The following ERCC6L2 variants were observed in gnomAD, a reference collection of about 807,000 sequenced individuals.
ERCC6L2 encodes ERCC excision repair 6 like 2, also known as DNA excision repair protein ERCC-6-like 2.
A neutral mutation model predicts 132.0 loss-of-function variants in ERCC6L2; 77 were observed. The observed-to-expected ratio is 0.58, with a 90% CI of 0.49 to 0.71. ERCC6L2 has a LOEUF of 0.71. ERCC6L2 is among the 30% of genes least tolerant of loss of function. ERCC6L2 has a pLI of 0.00. For missense variants in ERCC6L2, 1,542 were observed against 1,837.6 expected, an observed-to-expected ratio of 0.84 and a Z score of 2.94; for synonymous variants, 583 against 632.4, an observed-to-expected ratio of 0.92 and a Z score of 1.17.
chr9:95,926,549 T>G (rs550960462), intron 9 of ERCC6L2, among the ~76,000 whole-genome samples: 28 of 152,130 alleles, frequency 1.8e-4, no homozygotes, highest in Non-Finnish European at 3.5e-4. Context: ...TACTGTATAA[T>G]TCCAACTATA....
In ERCC6L2 at chr9:95,966,718, T is replaced by C. The variant is rs369776234; in HGVS notation, c.2100+4T>C. The stretch of plus-strand genomic sequence containing the variant: ...TCTTACGAAGGACATCCTGGAGGTG[T>C]GAACTTCTTCTCTGACCTTTTCAAT... On this transcript the variant is annotated splice_donor_region_variant and intron_variant, in intron 14 of 18. Transcript: ENST00000653738. 3.1e-5 allele frequency: 44 copies of C among 1,436,694 alleles called. No homozygotes were observed. The highest frequency in any genetic ancestry group is 4.0e-5 in the Non-Finnish European group (43 of 1,075,994). The allele number at this position is 1,436,694 out of a possible 1,614,324, so 89.0% of individuals were successfully genotyped here.
In ERCC6L2 at chr9:95,880,775, T is replaced by A. The variant is rs1174101242; in HGVS notation, c.47-94T>A. The A allele has an allele frequency of 7.2e-6, 8 of 1,109,994 alleles. No homozygotes were observed. In the East Asian group the frequency reaches 2.0e-4, roughly 27 times the overall value. The allele number at this position is 1,109,994 out of a possible 1,614,324, so 68.8% of individuals were successfully genotyped here. ...GTTCCAGTTTTTTGGAAAAGGCATT[T>A]ATGTGAGGTATATATTGTTTCTCAC... On this transcript the variant is annotated intron_variant, in intron 1 of 18. Coordinates refer to ENST00000653738, the MANE Select transcript of ERCC6L2 (RefSeq NM_020207.7).
chr9:95,912,397 A>G (rs550883814), intron 4 of ERCC6L2, among the ~76,000 whole-genome samples: 2 of 152,136 alleles, frequency 1.3e-5, no homozygotes, highest in South Asian at 2.1e-4. Context: ...GTGTGTATGT[A>G]TGTATATACA....
rs575846215 is a variant in ERCC6L2 at position 96,036,777 on chromosome 9, T to A, written c.*1504-2099T>A. On this transcript the variant is annotated intron_variant and NMD_transcript_variant, in intron 19 of 20. Coordinates refer to the ERCC6L2 transcript ENST00000670016. Reference sequence around the variant, plus strand: ...TTATTATTATTATTTTTATTTATTTTTTTTTTTGAGACGGAGTCTCACTCT... The same window carrying A: ...TTATTATTATTATTTTTATTTATTTATTTTTTTGAGACGGAGTCTCACTCT... Among the ~76,000 whole-genome samples, 1,254 of 138,872 alleles carry A rather than the reference T, an allele frequency of 9.0e-3. 11 individuals are homozygous for A. Among genetic ancestry groups the A allele is most frequent in the Admixed American group, 0.011 (162 of 14,186 alleles). 91.1% of individuals were successfully genotyped at this position (138,872 alleles called of 152,430 possible).
At chr9:96,012,066 A>G (rs1220268602) in intron 18 of ERCC6L2, among the ~76,000 whole-genome samples, 159 bp from the exon 19 acceptor site, 2 of 152,254 alleles carry the variant, frequency 1.3e-5, no homozygotes, top group Non-Finnish European at 2.9e-5. Context: ...GCCTCACTCT[A>G]CTAGGATAAA....
At chr9:95,883,589 G>A (rs1294102396) in intron 2 of ERCC6L2, among the ~76,000 whole-genome samples, 1 of 152,206 alleles carries the variant, frequency 6.6e-6, no homozygotes, top group African/African-American at 2.4e-5. Flanking sequence ...GGCTGGGTTT[G>A]GTGGTTCACA....
rs544233135 is a variant in ERCC6L2 at position 95,912,898 on chromosome 9, T to C, written c.789-2770T>C. Among the ~76,000 whole-genome samples the C allele has an allele frequency of 3.3e-5, 5 of 152,354 alleles. No homozygotes were observed. The South Asian group carries it at 8.3e-4, about 25-fold the overall frequency. Reference sequence around the variant, plus strand: ...AGTGGTTTTGGCCCAAAGGCTTAAATAGATTCAGATTAAACATTTTTGGCA... The same window carrying C: ...AGTGGTTTTGGCCCAAAGGCTTAAACAGATTCAGATTAAACATTTTTGGCA... On this transcript the variant is annotated intron_variant, in intron 4 of 18. Transcript: ENST00000653738.
Position 96,012,292 on chromosome 9 carries a change from A to G in ERCC6L2, c.3742A>G (p.Thr1248Ala). The G allele has an allele frequency of 7.4e-7, 1 of 1,350,368 alleles. No individual in the cohort carries two copies. Among genetic ancestry groups the G allele is most frequent in the Non-Finnish European group, 9.9e-7 (1 of 1,009,838 alleles). The allele number at this position is 1,350,368 out of a possible 1,614,324, so 83.6% of individuals were successfully genotyped here. The change falls in exon 19 of 19, where the codon ACC becomes GCC. Residue 1248 changes from threonine to alanine, a missense_variant. This residue lies in a region of ERCC6L2 where 442 missense variants were observed against 583.4 expected (regional missense o/e 0.76). Transcript: ENST00000653738. ...SSVNEFAKHI[T>A]NATSEERQKM... is the part of the protein sequence containing the mutation. ...TGTAAACGAATTTGCTAAACATATA[A>G]CCAATGCCACATCAGAAGAACGACA...
intron 19 of ERCC6L2, among the ~76,000 whole-genome samples, chr9:96,038,040 G>A (rs1031728444): frequency 1.3e-5 from 2 of 152,054 alleles, no homozygotes; most frequent in Non-Finnish European, 2.9e-5. Flanking sequence ...GGGTGGTGGT[G>A]GGAAGTGGGG....
intron 19 of ERCC6L2, among the ~76,000 whole-genome samples, chr9:96,034,751 C>T (rs1452692472): frequency 6.6e-6 from 1 of 151,204 alleles, no homozygotes; most frequent in Non-Finnish European, 1.5e-5. Flanking sequence ...CAGCTGGGGA[C>T]AGGGGCCCCA....
chr9:95,889,559 A>G (rs925732027), intron 2 of ERCC6L2, among the ~76,000 whole-genome samples: 1 of 152,140 alleles, frequency 6.6e-6, no homozygotes, highest in Middle Eastern at 3.2e-3. Context: ...ATACTACTTA[A>G]TGAGCTTTGA....
intron 18 of ERCC6L2, among the ~76,000 whole-genome samples, chr9:96,011,783 AAAT>A (rs1276355685): frequency 6.6e-6 from 1 of 152,300 alleles, no homozygotes; most frequent in East Asian, 1.9e-4. Context: ...GAAGGGAAAA[AAAT>A]GTCTTTCTTA....
In ERCC6L2 at chr9:95,876,076, C is replaced by G. The variant is rs746450201; in HGVS notation, c.38C>G (p.Ser13Ter). 1.3e-6 allele frequency: 2 copies of G among 1,580,382 alleles called. No homozygotes were observed. The highest frequency in any genetic ancestry group is 1.3e-5 in the African/African-American group (1 of 74,144). ...GCGCCACAGCCCCGCGCGGAAACCT[C>G]AGGCAAAGGTACCAGCTCCGCGCTC... ...PSAPQPRAET[S>*]GKDIWHPGER... The change falls in exon 1 of 19, where the codon TCA (serine) becomes TGA (stop). Residue 13 changes from serine to a stop codon, truncating the protein, a stop_gained. Transcript: ENST00000653738. LOFTEE classifies it high-confidence loss of function.
At chr9:95,877,384 C>G (rs974469193) in intron 1 of ERCC6L2, among the ~76,000 whole-genome samples, 3 of 149,954 alleles carry the variant, frequency 2.0e-5, no homozygotes, top group Admixed American at 6.7e-5. Context: ...AGATACAGTT[C>G]TTAGACCCCT....
chr9:96,026,633 ACACACACAAACACAC>A (rs1435426192), intron 19 of ERCC6L2, among the ~76,000 whole-genome samples: 3,748 of 149,918 alleles, frequency 0.025, 50 homozygotes, highest in Admixed American at 0.039. Flanking sequence ...TATACACACC[ACACACACAAACACAC>A]CACACACAAA....
chr9:95,990,602 G>A (rs368827597), intron 17 of ERCC6L2, among the ~76,000 whole-genome samples: 3 of 152,294 alleles, frequency 2.0e-5, no homozygotes, highest in Middle Eastern at 3.4e-3. Context: ...CCCGCTGCTG[G>A]CCACTGCTCA....
chr9:96,040,159 C>A (rs113882843), intron 20 of ERCC6L2, among the ~76,000 whole-genome samples: 5 of 152,094 alleles, frequency 3.3e-5, no homozygotes, highest in South Asian at 2.1e-4. Flanking sequence ...CCTGCCCCCC[C>A]CCAAGCACCC....
intron 17 of ERCC6L2, among the ~76,000 whole-genome samples, chr9:95,978,772 T>G (rs1050321610): frequency 2.0e-5 from 3 of 152,232 alleles, no homozygotes; most frequent in Non-Finnish European, 4.4e-5. Flanking sequence ...TTTCTTGTGT[T>G]TGGCTTATTA....
In ERCC6L2 at chr9:95,936,901, A is replaced by G. The variant is rs561289577; in HGVS notation, c.1752-4553A>G. 3.5e-4 allele frequency among the ~76,000 whole-genome samples: 53 copies of G among 152,250 alleles called. 1 individual carries two copies. The highest frequency in any genetic ancestry group is 1.6e-3 in the Admixed American group (24 of 15,276). On this transcript the variant is annotated intron_variant, in intron 11 of 18. Transcript: ENST00000653738. ...AGTATGTAACCTTTTGGGATTGGCT[A>G]TTTTCACTCAGCGTAATTCCCTGTA...
Sources: gnomAD v4.1 joint callset for allele counts (sites outside exome capture counted in the v4.1 genomes callset) on GRCh38, gnomAD v4.1.1 for gene constraint, gnomAD v4.1.1 regional missense constraint, MANE v1.5 for transcripts, NCBI Gene and HGNC (gene_info 2026-07-23, HGNC 2026-07-21) for gene names.